KCNIP4: variants seen among roughly 807,000 people sequenced by gnomAD.
KCNIP4 encodes potassium voltage-gated channel interacting protein 4.
A neutral mutation model predicts 34.0 loss-of-function variants in KCNIP4; 12 were observed. The observed-to-expected ratio is 0.35, with a 90% confidence interval of 0.23 to 0.57. KCNIP4 has a LOEUF of 0.57. Ranked by LOEUF, KCNIP4 falls within the 20% of genes least tolerant of loss-of-function variation. The pLI, the probability that KCNIP4 is intolerant of heterozygous loss-of-function variation, is 0.83. For synonymous variants in KCNIP4, 124 were observed against 102.2 expected (o/e 1.21, Z -1.29); for missense variants, 238 against 311.7 (o/e 0.76, Z 1.78).
At chr4:21,639,711 G>A (rs1176137091) in intron 1 of KCNIP4, among the ~76,000 whole-genome samples, 1 of 152,050 alleles carries the variant, frequency 6.6e-6, no homozygotes, top group Non-Finnish European at 1.5e-5. Flanking sequence ...AAAAATAACT[G>A]TCTCATTCTT....
rs368014154 is a variant in KCNIP4, at chr4:20,953,552, G to T, written c.62-70843C>A. On this transcript the variant is annotated intron_variant, in intron 1 of 8. Transcript: ENST00000382152. ...CAAAAATTAGCCTGGCATGATGGTGGACATCTGTGGTCCCGGCTACTTGAG... is the reference window on the plus strand; with the variant it reads ...CAAAAATTAGCCTGGCATGATGGTGTACATCTGTGGTCCCGGCTACTTGAG... Among the ~76,000 whole-genome samples the T allele has an allele frequency of 9.9e-5, 15 of 152,152 alleles. 1 individual carries two copies. The highest frequency in any genetic ancestry group is 3.6e-4 in the African/African-American group (15 of 41,526).
intron 1 of KCNIP4, among the ~76,000 whole-genome samples, chr4:21,519,090 A>G (rs940110773): frequency 3.9e-5 from 6 of 151,986 alleles, no homozygotes; most frequent in Non-Finnish European, 8.8e-5. Flanking sequence ...ATGTCTCTCC[A>G]CCAAATTCAC....
chr4:21,627,821 G>A (rs933351235), intron 1 of KCNIP4, among the ~76,000 whole-genome samples: 1 of 152,122 alleles, frequency 6.6e-6, no homozygotes, highest in African/African-American at 2.4e-5. Flanking sequence ...ATAAGTGTCG[G>A]TCATTAATAA....
At chr4:21,528,784 AAAGG>A (rs1169284033) in intron 1 of KCNIP4, among the ~76,000 whole-genome samples, 1 of 16,850 alleles carries the variant, frequency 5.9e-5, no homozygotes, top group Non-Finnish European at 1.2e-4. Flanking sequence ...AGAAAGGAAG[AAAGG>A]AAGAAAGGAA....
At chr4:21,659,785 T>C (rs1748292947) in intron 1 of KCNIP4, among the ~76,000 whole-genome samples, 1 of 152,200 alleles carries the variant, frequency 6.6e-6, no homozygotes, top group African/African-American at 2.4e-5. Context: ...TTGTTATTCC[T>C]CATTTCAGGT....
chr4:20,891,196 C>A (rs16870169), intron 1 of KCNIP4, among the ~76,000 whole-genome samples: 22,963 of 152,080 alleles, frequency 0.15, 1,838 homozygotes, highest in East Asian at 0.25. Flanking sequence ...CTATTTTGTA[C>A]TTTTGAAACA....
intron 1 of KCNIP4, among the ~76,000 whole-genome samples, chr4:21,633,855 A>G (rs1745929253): frequency 6.6e-6 from 1 of 152,118 alleles, no homozygotes; most frequent in African/African-American, 2.4e-5. Context: ...ATTTTCCAAA[A>G]TAAAAAAAAT....
chr4:21,563,913 T>C (rs1208850404), intron 1 of KCNIP4, among the ~76,000 whole-genome samples: 1 of 152,116 alleles, frequency 6.6e-6, no homozygotes, highest in Non-Finnish European at 1.5e-5. Flanking sequence ...GCATTTCACT[T>C]CTTCAGTTAA....
At chr4:21,798,512 G>GAAAAAAA (rs3052679) in intron 1 of KCNIP4, among the ~76,000 whole-genome samples, 13 of 102,530 alleles carry the variant, frequency 1.3e-4, no homozygotes, top group African/African-American at 4.1e-4. Context: ...AAGACCCTGG[G>GAAAAAAA]AAAAAAAAAA....
chr4:21,131,607 C>G (rs916254240), intron 1 of KCNIP4, among the ~76,000 whole-genome samples: 1 of 151,996 alleles, frequency 6.6e-6, no homozygotes, highest in African/African-American at 2.4e-5. Context: ...GAGACTCAGT[C>G]TCAAAACAAA....
intron 1 of KCNIP4, among the ~76,000 whole-genome samples, chr4:21,190,890 T>C (rs1212053441): frequency 2.0e-5 from 3 of 152,154 alleles, no homozygotes; most frequent in Non-Finnish European, 4.4e-5. Context: ...AAAGGTTTCA[T>C]AAGGAAACCT....
intron 1 of KCNIP4, among the ~76,000 whole-genome samples, chr4:21,370,850 TACACAC>T (rs376590317): frequency 0.09 from 1,315 of 14,608 alleles, 145 homozygotes; most frequent in Middle Eastern, 0.17. Context: ...TATATATATA[TACACAC>T]ACACACACAC....
In KCNIP4 at chr4:21,045,992, G is replaced by A. The variant is rs112382656; in HGVS notation, c.62-163283C>T. On this transcript the variant is annotated intron_variant, in intron 1 of 8. Coordinates refer to ENST00000382152, the MANE Select transcript of KCNIP4 (RefSeq NM_025221.6). ...ATGGTAGGTATTTAAATAGGAGAAT[G>A]GGAAATTTTAATTTGATACGGTTGG... is the stretch of plus-strand genomic sequence containing the variant. 3.2e-3 allele frequency among the ~76,000 whole-genome samples: 480 copies of A among 152,254 alleles called. 7 individuals carry two copies. Among genetic ancestry groups the A allele is most frequent in the African/African-American group, 0.011 (439 of 41,548 alleles).
intron 3 of KCNIP4, among the ~76,000 whole-genome samples, chr4:20,849,846 A>T (rs35075575): frequency 0.17 from 26,020 of 152,172 alleles, 2,388 homozygotes; most frequent in South Asian, 0.35. Flanking sequence ...TTAAGGATAG[A>T]AGTGTATCTT....
Position 21,102,986 on chromosome 4 carries a change from C to T in KCNIP4, c.62-220277G>A, listed in dbSNP as rs181471761. 4.5e-4 allele frequency among the ~76,000 whole-genome samples: 69 copies of T among 152,136 alleles called. No homozygotes were observed. In the East Asian group the frequency reaches 0.012, roughly 26 times the overall value. ...GGAAAAAAAGAAAATAGTTCATTTC[C>T]CCTCTTATTAAATGTTTATTCTTGT... On this transcript the variant is annotated intron_variant, in intron 1 of 8. Coordinates refer to ENST00000382152, the MANE Select transcript of KCNIP4 (RefSeq NM_025221.6).
intron 1 of KCNIP4, among the ~76,000 whole-genome samples, chr4:21,003,157 A>G (rs1738281899): frequency 6.6e-6 from 1 of 152,204 alleles, no homozygotes; most frequent in South Asian, 2.1e-4. Context: ...CTGAGGAAAC[A>G]GAGCTTATGT....
intron 1 of KCNIP4, among the ~76,000 whole-genome samples, chr4:21,766,859 C>T (rs114062232): frequency 0.012 from 1,837 of 152,102 alleles, 37 homozygotes; most frequent in African/African-American, 0.042. Context: ...AATTACAAAT[C>T]CATTGAGTGT....
chr4:21,360,818 A>G (rs995943897), intron 1 of KCNIP4, among the ~76,000 whole-genome samples: 1 of 152,096 alleles, frequency 6.6e-6, no homozygotes, highest in African/African-American at 2.4e-5. Context: ...GTCCTTGCCT[A>G]AACGGTCATG....
intron 1 of KCNIP4, among the ~76,000 whole-genome samples, chr4:21,622,929 C>A (rs1910524): frequency 0.28 from 41,992 of 151,894 alleles, 6,070 homozygotes; most frequent in Non-Finnish European, 0.32. Context: ...GGGAAGATTT[C>A]AAATACAATA....
Sources: allele counts gnomAD v4.1 joint callset (sites outside exome capture counted in the v4.1 genomes callset), GRCh38; gene constraint gnomAD v4.1.1; transcripts MANE v1.5; gene names NCBI Gene and HGNC (gene_info 2026-07-23, HGNC 2026-07-21).